ATP8A2: variants seen among roughly 807,000 people sequenced by gnomAD.
ATP8A2 encodes the protein phospholipid-transporting ATPase IB.
In ATP8A2, 100 loss-of-function variants were observed where a neutral mutation model predicts 165.6. That is an observed-to-expected ratio of 0.60 (90% CI 0.51 to 0.71). ATP8A2 has a LOEUF of 0.71. Ranked by LOEUF, ATP8A2 falls within the 30% of genes least tolerant of loss-of-function variation. The probability of loss-of-function intolerance (pLI) is 0.00; values close to 1 mark genes in which losing one functional copy is unlikely to be tolerated. For missense variants in ATP8A2, 1,227 were observed against 1,479.5 expected (o/e 0.83, Z 2.80); for synonymous variants, 543 against 548.8 (o/e 0.99, Z 0.15).
chr13:25,744,485 A>G (rs1327520313), intron 25 of ATP8A2, among the ~76,000 whole-genome samples: 1 of 152,234 alleles, frequency 6.6e-6, no homozygotes, highest in Non-Finnish European at 1.5e-5. Flanking sequence ...CAAAAGAACT[A>G]AAGCGGGGGG....
Position 25,828,212 on chromosome 13 carries a change from A to G in ATP8A2, c.2754+20A>G. ...AATGTGGTAAGCATTCTTCATCTCTATCTGATAGCATGCAGAACTTAGAAC... is the reference window on the plus strand; with the variant it reads ...AATGTGGTAAGCATTCTTCATCTCTGTCTGATAGCATGCAGAACTTAGAAC... On this transcript the variant is annotated intron_variant, in intron 28 of 36. Coordinates refer to ENST00000381655, the MANE Select transcript of ATP8A2 (RefSeq NM_016529.6). The G allele has an allele frequency of 1.3e-6, 2 of 1,578,154 alleles. No individual in the cohort carries two copies. The highest frequency in any genetic ancestry group is 1.7e-6 in the Non-Finnish European group (2 of 1,147,374).
intron 35 of ATP8A2, among the ~76,000 whole-genome samples, chr13:25,979,118 G>C (rs906303827): frequency 4.6e-5 from 7 of 151,858 alleles, no homozygotes; most frequent in African/African-American, 1.7e-4. Flanking sequence ...CACTAGTTCT[G>C]TAAAGCCAGC....
intron 2 of ATP8A2, among the ~76,000 whole-genome samples, chr13:25,529,185 G>A (rs1345487003): frequency 6.6e-6 from 1 of 152,154 alleles, no homozygotes; most frequent in Non-Finnish European, 1.5e-5. Context: ...TGTCTTCAGA[G>A]GGTGAGCTAG....
chr13:25,937,806 A>ACG (rs1954951465), intron 33 of ATP8A2, among the ~76,000 whole-genome samples: 1 of 144,232 alleles, frequency 6.9e-6, no homozygotes, highest in African/African-American at 2.6e-5. Flanking sequence ...CCGAGATGGC[A>ACG]ACACTGCACT....
chr13:25,699,358 AGGC>A lies in ATP8A2; in HGVS notation c.2384+14_2384+16del. On this transcript the variant is annotated intron_variant, in intron 25 of 36. Coordinates refer to ENST00000381655, the MANE Select transcript of ATP8A2 (RefSeq NM_016529.6). ...TCATATGCTGCAGGTAGGAACCTGC[AGGC>A]TGTGCACAGTTCACACTCTGCTGTG... The A allele has an allele frequency of 6.2e-7, 1 of 1,602,098 alleles. No individual in the cohort carries two copies. Among genetic ancestry groups the A allele is most frequent in the African/African-American group, 1.3e-5 (1 of 74,800 alleles).
chr13:25,531,722 A>G (rs754285093), intron 4 of ATP8A2, among the ~76,000 whole-genome samples: 1 of 152,140 alleles, frequency 6.6e-6, no homozygotes, highest in Admixed American at 6.6e-5. Flanking sequence ...TGATGGCTGC[A>G]CAAAATTATT....
At chr13:25,634,246 T>A (rs2041316277) in intron 24 of ATP8A2, among the ~76,000 whole-genome samples, 1 of 152,106 alleles carries the variant, frequency 6.6e-6, no homozygotes, top group Non-Finnish European at 1.5e-5. Flanking sequence ...TCTGCCTGAT[T>A]TTCTCGAGGG....
chr13:25,606,608 C>T (rs1396723907), intron 24 of ATP8A2, among the ~76,000 whole-genome samples: 2 of 152,064 alleles, frequency 1.3e-5, no homozygotes, highest in South Asian at 2.1e-4. Context: ...ATATTCATTT[C>T]GTTATTCAGG....
intron 24 of ATP8A2, among the ~76,000 whole-genome samples, chr13:25,590,566 C>T (rs535079502): frequency 6.6e-6 from 1 of 152,256 alleles, no homozygotes; most frequent in Non-Finnish European, 1.5e-5. Context: ...TTGAGGGTCA[C>T]CAGCAACCTG....
At chr13:26,013,378 G>GA (rs1457667429) in intron 36 of ATP8A2, among the ~76,000 whole-genome samples, 1 of 152,176 alleles carries the variant, frequency 6.6e-6, no homozygotes, top group African/African-American at 2.4e-5. Flanking sequence ...ACGACTGGTA[G>GA]AAAGAGATGA....
At chr13:25,908,291 T>C (rs908656608) in intron 33 of ATP8A2, among the ~76,000 whole-genome samples, 3 of 152,206 alleles carry the variant, frequency 2.0e-5, no homozygotes, top group Admixed American at 6.5e-5. Flanking sequence ...CCGAGCACTT[T>C]AGGTCTGTGG....
At chr13:25,421,944 C>A (rs1319470565) in intron 1 of ATP8A2, among the ~76,000 whole-genome samples, 3 of 152,178 alleles carry the variant, frequency 2.0e-5, no homozygotes, top group Non-Finnish European at 4.4e-5. Flanking sequence ...AATTCATCAG[C>A]ATTTTTCCAT....
chr13:25,622,781 A>G (rs1373118471), intron 24 of ATP8A2, among the ~76,000 whole-genome samples: 3 of 152,166 alleles, frequency 2.0e-5, no homozygotes, highest in Non-Finnish European at 4.4e-5. Flanking sequence ...CTCATAATGT[A>G]TATGCAAATA....
At chr13:25,538,776 G>A (rs2038368857) in intron 7 of ATP8A2, among the ~76,000 whole-genome samples, 2 of 152,038 alleles carry the variant, frequency 1.3e-5, no homozygotes, top group Non-Finnish European at 2.9e-5. Flanking sequence ...ATCATAGATC[G>A]GCATGCTGTT....
At chr13:25,911,777 C>A (rs751233717) in intron 33 of ATP8A2, among the ~76,000 whole-genome samples, 1 of 152,156 alleles carries the variant, frequency 6.6e-6, no homozygotes, top group African/African-American at 2.4e-5. Flanking sequence ...GCTAAATGAG[C>A]CCCCAAACCT....
At chr13:25,571,364 G>T (rs1489753583) in intron 17 of ATP8A2, among the ~76,000 whole-genome samples, 1 of 152,188 alleles carries the variant, frequency 6.6e-6, no homozygotes, top group East Asian at 1.9e-4. Context: ...AGAATAGCAG[G>T]AATAGAAATC....
chr13:25,516,190 C>T (rs2037462945), intron 2 of ATP8A2, among the ~76,000 whole-genome samples: 1 of 152,176 alleles, frequency 6.6e-6, no homozygotes, highest in Non-Finnish European at 1.5e-5. Context: ...AGCTTTCCAT[C>T]CAGATCTTAT....
intron 33 of ATP8A2, among the ~76,000 whole-genome samples, chr13:25,912,210 C>T (rs950813328): frequency 1.2e-4 from 18 of 151,192 alleles, no homozygotes; most frequent in African/African-American, 4.4e-4. Context: ...GAATAGTCTT[C>T]AGCCTTAAAA....
chr13:25,827,633 G>C (rs549038889), intron 27 of ATP8A2, among the ~76,000 whole-genome samples: 3 of 152,322 alleles, frequency 2.0e-5, no homozygotes, highest in Non-Finnish European at 2.9e-5. Flanking sequence ...CCTTGGTCAA[G>C]GTGGTAGACA....
Sources: gnomAD v4.1 joint callset for allele counts (sites outside exome capture counted in the v4.1 genomes callset) on GRCh38, gnomAD v4.1.1 for gene constraint, MANE v1.5 for transcripts, NCBI Gene and HGNC (gene_info 2026-07-23, HGNC 2026-07-21) for gene names.